The following WWOX variants were observed in gnomAD, a reference collection of about 807,000 sequenced individuals.
WWOX encodes the protein WW domain containing oxidoreductase, also known as WW domain-containing oxidoreductase.
In WWOX, 69 loss-of-function variants were observed where a neutral mutation model predicts 46.2. That is an observed-to-expected ratio of 1.49 (90% CI 1.23 to 1.82). WWOX has a LOEUF of 1.82. Ranked by LOEUF, WWOX falls within the 40% of genes most tolerant of loss-of-function variation. The pLI is 0.00. For missense variants in WWOX, 919 were observed against 542.6 expected, an observed-to-expected ratio of 1.69 and a Z score of -6.89; for synonymous variants, 359 against 202.6, an observed-to-expected ratio of 1.77 and a Z score of -6.56.
At chr16:79,010,199 G>C (rs1356499011) in intron 8 of WWOX, among the ~76,000 whole-genome samples, 1 of 152,302 alleles carries the variant, frequency 6.6e-6, no homozygotes, top group East Asian at 1.9e-4. Flanking sequence ...TCCCCAGGAG[G>C]CTTTCACAAA....
At chr16:78,701,149 A>G (rs13331600) in intron 8 of WWOX, among the ~76,000 whole-genome samples, 2,641 of 152,296 alleles carry the variant, frequency 0.017, 73 homozygotes, top group African/African-American at 0.06. Context: ...ATAATGATAC[A>G]TAAAGCACTT....
At chr16:78,887,194 G>C (rs947723168) in intron 8 of WWOX, among the ~76,000 whole-genome samples, 5 of 150,154 alleles carry the variant, frequency 3.3e-5, no homozygotes, top group African/African-American at 1.2e-4. Flanking sequence ...AACTGAACTA[G>C]ACTGTATGTC....
chr16:78,351,030 G>A (rs527533434), intron 5 of WWOX, among the ~76,000 whole-genome samples: 1 of 152,160 alleles, frequency 6.6e-6, no homozygotes, highest in African/African-American at 2.4e-5. Flanking sequence ...ATTTTGATTT[G>A]GATTTTCTTG....
At chr16:78,225,284 G>C (rs760145329) in intron 5 of WWOX, among the ~76,000 whole-genome samples, 11 of 152,074 alleles carry the variant, frequency 7.2e-5, no homozygotes, top group Non-Finnish European at 1.6e-4. Flanking sequence ...ACATAGAAAA[G>C]GTACAGTGAA....
intron 8 of WWOX, among the ~76,000 whole-genome samples, chr16:78,618,659 C>G (rs1382214970): frequency 2.0e-5 from 3 of 152,152 alleles, no homozygotes; most frequent in African/African-American, 7.2e-5. Flanking sequence ...GAGACCTCTT[C>G]TCAACAGGAT....
intron 1 of WWOX, among the ~76,000 whole-genome samples, chr16:78,105,778 A>G (rs1437233582): frequency 6.6e-6 from 1 of 151,960 alleles, no homozygotes; most frequent in African/African-American, 2.4e-5. Context: ...CTCAGCTTCC[A>G]CTGTTAAGGG....
At chr16:78,886,748 C>G (rs1300213299) in intron 8 of WWOX, among the ~76,000 whole-genome samples, 1 of 151,430 alleles carries the variant, frequency 6.6e-6, no homozygotes, top group Non-Finnish European at 1.5e-5. Flanking sequence ...GCAGAGGCAG[C>G]TATAATTAAA....
rs149490530 is a variant in WWOX, at chr16:79,053,442, A to G, written c.1057-158166A>G. 1.4e-4 allele frequency among the ~76,000 whole-genome samples: 21 copies of G among 152,328 alleles called. No individual in the cohort carries two copies. The East Asian group carries it at 2.7e-3, about 20-fold the overall frequency. Reference sequence around the variant, plus strand: ...GTGTTAGACTGCAAATGAATATCCAATTCAATTTGTAGGAAACTTTAGATT... The same window carrying G: ...GTGTTAGACTGCAAATGAATATCCAGTTCAATTTGTAGGAAACTTTAGATT... On this transcript the variant is annotated intron_variant, in intron 8 of 8. Transcript: ENST00000566780.
intron 8 of WWOX, chr16:79,205,141 TA>T (rs1480551547): frequency 2.6e-5 from 4 of 152,364 alleles, no homozygotes; most frequent in African/African-American, 9.6e-5. Flanking sequence ...GCCTGTCATT[TA>T]AAAGCTGCAT....
chr16:78,631,133 G>A (rs1049157502), intron 8 of WWOX, among the ~76,000 whole-genome samples: 1 of 152,094 alleles, frequency 6.6e-6, no homozygotes, highest in South Asian at 2.1e-4. Context: ...TTTATGTTAG[G>A]GACTTGAGCA....
chr16:78,662,146 G>C (rs1376225419), intron 8 of WWOX, among the ~76,000 whole-genome samples: 1 of 152,204 alleles, frequency 6.6e-6, no homozygotes, highest in African/African-American at 2.4e-5. Context: ...CTAGGATTAA[G>C]TGCTTCACAG....
rs184924365 is a variant in WWOX, at chr16:79,208,505, T to C, written c.1057-3103T>C. ...AACTGGCAAGGTATTGCTTCAGATATTTTATAACGGAGTTGTTAACATTAT... is the reference window on the plus strand; with the variant it reads ...AACTGGCAAGGTATTGCTTCAGATACTTTATAACGGAGTTGTTAACATTAT... On this transcript the variant is annotated intron_variant, in intron 8 of 8. Coordinates refer to ENST00000566780, the MANE Select transcript of WWOX (RefSeq NM_016373.4). Among the ~76,000 whole-genome samples the C allele has an allele frequency of 3.8e-3, 577 of 152,342 alleles. 4 individuals carry two copies. The highest frequency in any genetic ancestry group is 5.0e-3 in the Non-Finnish European group (342 of 68,034).
intron 8 of WWOX, among the ~76,000 whole-genome samples, chr16:78,468,575 A>G (rs998885176): frequency 3.9e-5 from 6 of 152,232 alleles, no homozygotes; most frequent in Non-Finnish European, 8.8e-5. Context: ...TGATAGTTAC[A>G]GGGAGTGCTA....
At chr16:78,939,404 T>C (rs1045660354) in intron 8 of WWOX, among the ~76,000 whole-genome samples, 1 of 152,214 alleles carries the variant, frequency 6.6e-6, no homozygotes, top group South Asian at 2.1e-4. Context: ...TGCATTACTT[T>C]TGATTCTTGG....
intron 5 of WWOX, among the ~76,000 whole-genome samples, chr16:78,222,927 C>A: frequency 6.6e-6 from 1 of 152,190 alleles, no homozygotes; most frequent in East Asian, 1.9e-4. Flanking sequence ...GCTCAGGGTT[C>A]AGGGGGCTGT....
At chr16:78,319,273 G>T (rs932149519) in intron 5 of WWOX, among the ~76,000 whole-genome samples, 22 of 150,768 alleles carry the variant, frequency 1.5e-4, no homozygotes, top group Admixed American at 6.6e-5. Context: ...ACACCTTGCT[G>T]ATGTCGTTTT....
chr16:79,170,722 ATTT>A, intron 8 of WWOX, among the ~76,000 whole-genome samples: 1 of 151,310 alleles, frequency 6.6e-6, no homozygotes, highest in African/African-American at 2.4e-5. Context: ...TCAATTCATG[ATTT>A]TTTTTTCTTT....
chr16:78,736,162 C>T (rs145031165), intron 8 of WWOX, among the ~76,000 whole-genome samples: 231 of 152,254 alleles, frequency 1.5e-3, no homozygotes, highest in African/African-American at 5.1e-3. Flanking sequence ...AAGATGTGGT[C>T]TCAAATGAAG....
At chr16:78,853,778 A>T (rs1396292284) in intron 8 of WWOX, among the ~76,000 whole-genome samples, 2 of 152,054 alleles carry the variant, frequency 1.3e-5, no homozygotes, top group African/African-American at 4.8e-5. Flanking sequence ...GGAGGTTTTC[A>T]CTGAACCAAG....
Sources: allele counts gnomAD v4.1 joint callset (sites outside exome capture counted in the v4.1 genomes callset), GRCh38; gene constraint gnomAD v4.1.1; transcripts MANE v1.5; gene names NCBI Gene and HGNC (gene_info 2026-07-23, HGNC 2026-07-21).